TOX2: variants seen among roughly 807,000 people sequenced by gnomAD.
TOX2 encodes the protein TOX high mobility group box family member 2, also known as granulosa cell HMG box 1.
A neutral mutation model predicts 47.4 loss-of-function variants in TOX2; 15 were observed. The observed-to-expected ratio is 0.32, with a 90% CI of 0.21 to 0.49. TOX2 has a LOEUF of 0.49. TOX2 is among the 20% of genes least tolerant of loss of function. The pLI is 0.99. For synonymous variants in TOX2, 290 were observed against 296.6 expected, an observed-to-expected ratio of 0.98 and a Z score of 0.23; for missense variants, 622 against 673.1, an observed-to-expected ratio of 0.92 and a Z score of 0.84.
chr20:43,939,563 C>A (rs1318911445), intron 1 of TOX2, among the ~76,000 whole-genome samples: 1 of 152,134 alleles, frequency 6.6e-6, no homozygotes, highest in African/African-American at 2.4e-5. Flanking sequence ...CAACATGAGG[C>A]TGGAATGTGG....
intron 1 of TOX2, among the ~76,000 whole-genome samples, chr20:43,926,769 T>G (rs973009513): frequency 2.0e-5 from 3 of 152,208 alleles, no homozygotes; most frequent in African/African-American, 7.2e-5. Context: ...ACTCACAAGA[T>G]GAACACAGGG....
Position 44,069,004 on chromosome 20 carries a change from C to T in TOX2, c.*318C>T. 1 of 497,200 alleles carries T rather than the reference C, an allele frequency of 2.0e-6. No individual in the cohort carries two copies. The highest frequency in any genetic ancestry group is 3.9e-6 in the Non-Finnish European group (1 of 256,842). The allele number at this position is 497,200 out of a possible 1,614,324, so 30.8% of individuals were successfully genotyped here. On this transcript the variant is annotated 3_prime_UTR_variant, in exon 9 of 9. Coordinates refer to ENST00000341197, the MANE Select transcript of TOX2 (RefSeq NM_001098797.2). Reference sequence around the variant, plus strand: ...GGACACCCGGCCCCAGCTCCAGCCCCAGCCCAGGTGGGCCGCCCCTGGCGG... The same window carrying T: ...GGACACCCGGCCCCAGCTCCAGCCCTAGCCCAGGTGGGCCGCCCCTGGCGG...
chr20:43,948,949 TG>T (rs896158941), intron 1 of TOX2, among the ~76,000 whole-genome samples: 34 of 152,290 alleles, frequency 2.2e-4, no homozygotes, highest in African/African-American at 6.5e-4. Context: ...TTAACCTCCC[TG>T]GGTCTTCCTT....
intron 1 of TOX2, among the ~76,000 whole-genome samples, chr20:43,928,169 G>A (rs1280129633): frequency 6.6e-6 from 1 of 152,208 alleles, no homozygotes; most frequent in Non-Finnish European, 1.5e-5. Flanking sequence ...AAGATGTGAG[G>A]CTGAAGAAGG....
At chr20:44,043,510 A>T (rs1317764075) in intron 3 of TOX2, among the ~76,000 whole-genome samples, 1 of 152,194 alleles carries the variant, frequency 6.6e-6, no homozygotes, top group Non-Finnish European at 1.5e-5. Context: ...ATTATACTGT[A>T]TGTGTCCTTC....
intron 1 of TOX2, among the ~76,000 whole-genome samples, chr20:43,963,349 C>T (rs1332331416): frequency 6.6e-6 from 1 of 151,786 alleles, no homozygotes; most frequent in Non-Finnish European, 1.5e-5. Context: ...AAGGGGCCCA[C>T]AGCACTGAGC....
chr20:44,061,685 C>T (rs2071721219), intron 5 of TOX2, among the ~76,000 whole-genome samples: 1 of 151,840 alleles, frequency 6.6e-6, no homozygotes. Context: ...TTGCTGTTTG[C>T]TGATGATATG....
intron 3 of TOX2, among the ~76,000 whole-genome samples, chr20:44,023,606 A>G (rs974304766): frequency 6.6e-5 from 10 of 152,160 alleles, no homozygotes; most frequent in African/African-American, 2.4e-4. Context: ...ACCTTCCCCA[A>G]ATGGACCTGC....
Position 44,065,989 on chromosome 20 carries a change from A to G in TOX2, c.1238A>G (p.Gln413Arg). 6.2e-7 allele frequency: 1 copy of G among 1,612,802 alleles called. No homozygotes were observed. The highest frequency in any genetic ancestry group is 8.5e-7 in the Non-Finnish European group (1 of 1,179,756). Residue 413 changes from glutamine to arginine, a missense_variant, in exon 7 of 9, where the codon CAG (glutamine) becomes CGG (arginine). By Grantham distance (43) the Gln-to-Arg change is conservative. Transcript: ENST00000341197. ...CAGCTGTCACTGCCCCCTCACGCCC[A>G]GGGCGCCCTCCTCAGTCCACCTGTT... ...HQQLSLPPHA[Q>R]GALLSPPVSM...
chr20:43,946,555 T>A (rs1410776596), intron 1 of TOX2, among the ~76,000 whole-genome samples: 2 of 152,158 alleles, frequency 1.3e-5, no homozygotes, highest in East Asian at 3.8e-4. Context: ...GTTTGGGGAA[T>A]CAATAAAAAT....
chr20:44,034,490 G>A (rs985808059), intron 3 of TOX2, among the ~76,000 whole-genome samples: 26 of 152,226 alleles, frequency 1.7e-4, no homozygotes, highest in Admixed American at 1.7e-3. Context: ...GCAGCATGGA[G>A]CTCTGGGAGG....
Position 43,915,097 on chromosome 20 carries a change from C to A in TOX2, c.99+107C>A, listed in dbSNP as rs1006181335. ...CACGGGGCCGCGCACATCAGCCCCG[C>A]CGACGGGCACGGGCGGCTCACATCG... On this transcript the variant is annotated intron_variant, in intron 1 of 8. Transcript: ENST00000341197. The surrounding 1 kb of genome is among the most constrained non-coding windows in gnomAD (Gnocchi z 7.1). The A allele has an allele frequency of 5.6e-5, 31 of 556,342 alleles. No individual in the cohort carries two copies. Among genetic ancestry groups the A allele is most frequent in the Non-Finnish European group, 7.1e-5 (30 of 420,432 alleles). 34.5% of individuals were successfully genotyped at this position (556,342 alleles called of 1,614,324 possible).
intron 2 of TOX2, among the ~76,000 whole-genome samples, chr20:44,000,581 A>G (rs2070559681): frequency 6.6e-6 from 1 of 152,118 alleles, no homozygotes; most frequent in Non-Finnish European, 1.5e-5. Context: ...TTTCAGGGGA[A>G]GGTCTGGCTC....
intron 3 of TOX2, among the ~76,000 whole-genome samples, chr20:44,009,403 G>A (rs549069363): frequency 1.3e-5 from 2 of 152,268 alleles, no homozygotes; most frequent in East Asian, 1.9e-4. Context: ...TGGTTCTCAC[G>A]AAAGAGTTCA....
At chr20:43,958,107 C>T (rs1403166992) in intron 1 of TOX2, among the ~76,000 whole-genome samples, 1 of 152,148 alleles carries the variant, frequency 6.6e-6, no homozygotes, top group East Asian at 1.9e-4. Flanking sequence ...GTGGTCTTCC[C>T]TCTGAAATGC....
At chr20:43,934,406 T>C (rs2069296894) in intron 1 of TOX2, among the ~76,000 whole-genome samples, 2 of 152,074 alleles carry the variant, frequency 1.3e-5, no homozygotes, top group African/African-American at 4.8e-5. Context: ...ACCGTGCAGG[T>C]GAGGAGCTGA....
chr20:44,064,941 G>A, intron 6 of TOX2, 84 bp downstream of exon 6: 1 of 1,298,496 alleles, frequency 7.7e-7, no homozygotes, highest in Non-Finnish European at 1.1e-6. Flanking sequence ...CCGTGGGAAG[G>A]GCCGGCACCC....
chr20:43,998,916 T>C (rs770656603), intron 2 of TOX2, among the ~76,000 whole-genome samples: 15 of 152,144 alleles, frequency 9.9e-5, no homozygotes, highest in African/African-American at 3.4e-4. Context: ...CTCGCCACCA[T>C]GTCCAGCTAA....
At chr20:43,989,335 A>T (rs2070327611) in intron 2 of TOX2, among the ~76,000 whole-genome samples, 1 of 152,168 alleles carries the variant, frequency 6.6e-6, no homozygotes, top group South Asian at 2.1e-4. Flanking sequence ...ATGGGAGAGG[A>T]GGCAGTCGGG....
Sources: gnomAD v4.1 joint callset for allele counts (sites outside exome capture counted in the v4.1 genomes callset) on GRCh38, gnomAD v4.1.1 for gene constraint, Gnocchi (gnomAD v3.1) non-coding constraint, MANE v1.5 for transcripts, NCBI Gene and HGNC (gene_info 2026-07-23, HGNC 2026-07-21) for gene names.